MGA: variants seen among roughly 807,000 people sequenced by gnomAD.
The protein encoded by MGA is MAX dimerization protein MGA.
Under a neutral mutation model 261.1 loss-of-function variants are expected in MGA, and 40 were observed. The observed-to-expected ratio is 0.15, with a 90% confidence interval of 0.12 to 0.20. The LOEUF (loss-of-function observed/expected upper bound fraction) is 0.20. MGA is among the 10% of genes least tolerant of loss of function. The pLI, the probability that MGA is intolerant of heterozygous loss-of-function variation, is 1.00. For missense variants in MGA, 3,397 were observed against 3,630.5 expected, an observed-to-expected ratio of 0.94 and a Z score of 1.65; for synonymous variants, 1,302 against 1,290.6, an observed-to-expected ratio of 1.01 and a Z score of -0.19.
At chr15:41,751,899 A>G (rs2062855642) in intron 17 of MGA, 1 of 151,970 alleles carries the variant, frequency 6.6e-6, no homozygotes, top group South Asian at 2.1e-4. Context: ...TTGTCATACA[A>G]CTGCTTGTTT....
At chr15:41,764,571 C>A (rs1277125708) in intron 22 of MGA, among the ~76,000 whole-genome samples, 2 of 150,734 alleles carry the variant, frequency 1.3e-5, no homozygotes, top group Non-Finnish European at 3.0e-5. Flanking sequence ...TTGAGAAGGG[C>A]CTCACTCTGT....
At chr15:41,638,550 G>A (rs1413084604) in intron 1 of MGA, among the ~76,000 whole-genome samples, 1 of 151,572 alleles carries the variant, frequency 6.6e-6, no homozygotes, top group Non-Finnish European at 1.5e-5. Context: ...AGTTTTTTTT[G>A]TAGACGGGGT....
chr15:41,631,120 A>G (rs2056579216), intron 1 of MGA, among the ~76,000 whole-genome samples: 1 of 152,214 alleles, frequency 6.6e-6, no homozygotes, highest in South Asian at 2.1e-4. Context: ...AACAAGCAAT[A>G]TATCCGTAAG....
chr15:41,725,252 T>G (rs1567036944), intron 9 of MGA, among the ~76,000 whole-genome samples: 1 of 152,202 alleles, frequency 6.6e-6, no homozygotes, highest in Non-Finnish European at 1.5e-5. Context: ...GCCGCAGGAT[T>G]GCATGAGGCC....
intron 7 of MGA, among the ~76,000 whole-genome samples, chr15:41,708,829 T>C (rs1258522480): frequency 2.0e-5 from 3 of 152,206 alleles, no homozygotes; most frequent in Non-Finnish European, 4.4e-5. Context: ...TTATAGTGAT[T>C]TCCTATAGTC....
chr15:41,761,732 A>G lies in MGA; in HGVS notation c.7399-7A>G, dbSNP rs746684025. On this transcript the variant is annotated splice_polypyrimidine_tract_variant and splice_region_variant and intron_variant, in intron 20 of 23. Transcript: ENST00000219905. ...AATTTTCAATAATACCACTATTTGTATTCTAGGCCTTCAGTGAAATTCAGG... is the reference window on the plus strand; with the variant it reads ...AATTTTCAATAATACCACTATTTGTGTTCTAGGCCTTCAGTGAAATTCAGG... The G allele has an allele frequency of 1.3e-6, 2 of 1,545,972 alleles. No homozygotes were observed. Among genetic ancestry groups the G allele is most frequent in the East Asian group, 4.6e-5 (2 of 43,566 alleles).
chr15:41,715,723 A>G (rs1287934741), intron 9 of MGA, among the ~76,000 whole-genome samples: 1 of 152,166 alleles, frequency 6.6e-6, no homozygotes, highest in Non-Finnish European at 1.5e-5. Context: ...GACCAGTGCC[A>G]GGGTATTCTT....
chr15:41,725,110 C>G (rs1173983866), intron 9 of MGA, among the ~76,000 whole-genome samples: 2 of 152,156 alleles, frequency 1.3e-5, no homozygotes, highest in African/African-American at 4.8e-5. Flanking sequence ...GAGGACTAAC[C>G]ATTAAAATGC....
rs376537329 is a variant in MGA at position 41,711,205 on chromosome 15, A to G, written c.2940A>G (p.Gln980=). The change falls in exon 8 of 24, where the codon CAA becomes CAG. Residue 980 remains glutamine, a synonymous_variant. Transcript: ENST00000219905. The stretch of plus-strand genomic sequence containing the variant: ...AGGCACAGCAGCAGCAGCAACAGCA[A>G]CAGGGAAGTCGCCCTCCAGGCTTGT... 1 of 1,614,046 alleles carries G rather than the reference A, an allele frequency of 6.2e-7. No individual in the cohort carries two copies. Among genetic ancestry groups the G allele is most frequent in the Non-Finnish European group, 8.5e-7 (1 of 1,179,904 alleles).
At chr15:41,622,938 A>G (rs2056343946) in intron 1 of MGA, among the ~76,000 whole-genome samples, 1 of 152,234 alleles carries the variant, frequency 6.6e-6, no homozygotes, top group Non-Finnish European at 1.5e-5. Flanking sequence ...ACATCTGGAA[A>G]ACATTTATTG....
intron 7 of MGA, among the ~76,000 whole-genome samples, chr15:41,709,735 C>A (rs1308142002): frequency 6.6e-6 from 1 of 151,612 alleles, no homozygotes; most frequent in Non-Finnish European, 1.5e-5. Flanking sequence ...CGTGCTCAGT[C>A]TCACTCTCAT....
At chr15:41,655,178 CTTTT>C (rs35648576) in intron 1 of MGA, among the ~76,000 whole-genome samples, 3 of 129,640 alleles carry the variant, frequency 2.3e-5, no homozygotes, top group Non-Finnish European at 4.9e-5. Context: ...TTTTAATTTA[CTTTT>C]TTTTTTTTTT....
At position 41,708,944 on chromosome 15, in the gene MGA, A is replaced by G. The variant is rs111292678; in HGVS notation, c.2425+736A>G. On this transcript the variant is annotated intron_variant, in intron 7 of 23. Transcript: ENST00000219905. ...CTGCATTCGTTTGCAATTTAACCAG[A>G]TAAATATGCCAGTTTTCCAAAATAC... 4.3e-3 allele frequency among the ~76,000 whole-genome samples: 657 copies of G among 152,336 alleles called. 6 individuals are homozygous for G. Among genetic ancestry groups the G allele is most frequent in the African/African-American group, 0.015 (619 of 41,572 alleles).
intron 1 of MGA, among the ~76,000 whole-genome samples, chr15:41,632,030 A>G (rs1169438794): frequency 1.3e-5 from 2 of 152,296 alleles, no homozygotes; most frequent in East Asian, 3.9e-4. Flanking sequence ...AATCAAGTTG[A>G]GACAAGTTCA....
chr15:41,736,153 TTTC>T, intron 12 of MGA, 25 bp from the exon 13 acceptor site: 3 of 1,456,930 alleles, frequency 2.1e-6, no homozygotes, highest in Non-Finnish European at 2.7e-6. Flanking sequence ...CTTTCAACTT[TTTC>T]TTTTTTATTA....
chr15:41,682,878 G>T (rs1397945759), intron 2 of MGA, among the ~76,000 whole-genome samples: 36 of 152,090 alleles, frequency 2.4e-4, no homozygotes, highest in Admixed American at 2.3e-3. Flanking sequence ...AGTTTCTTTA[G>T]AAAGTATCTG....
rs749862030 is a variant in MGA at position 41,696,744 on chromosome 15, A to G, written c.1734A>G (p.Ser578=). ...AGGATTCAGTTGGAGACTCACTTTCAGGAAAAGAGGACTTGGGCAGAAAGA... is the reference window on the plus strand; with the variant it reads ...AGGATTCAGTTGGAGACTCACTTTCGGGAAAAGAGGACTTGGGCAGAAAGA... Residue 578 remains serine, a synonymous_variant, in exon 3 of 24, where the codon TCA becomes TCG. Coordinates refer to ENST00000219905, the MANE Select transcript of MGA (RefSeq NM_001164273.2). 1 of 1,611,442 alleles carries G rather than the reference A, an allele frequency of 6.2e-7. No homozygotes were observed. Among genetic ancestry groups the G allele is most frequent in the Non-Finnish European group, 8.5e-7 (1 of 1,178,682 alleles).
At chr15:41,627,014 C>G (rs1377350705) in intron 1 of MGA, among the ~76,000 whole-genome samples, 2 of 152,096 alleles carry the variant, frequency 1.3e-5, no homozygotes, top group South Asian at 4.1e-4. Flanking sequence ...ACAGGTGATT[C>G]TCGTGTCTCA....
rs542227116 is a variant in MGA at position 41,669,144 on chromosome 15, A to G, written c.250A>G (p.Met84Val). Residue 84 changes from methionine (M) to valine (V), a missense_variant, in exon 2 of 24, where the codon ATG becomes GTG. Around this residue, in one of 9 missense-constraint regions of MGA, gnomAD observed 104 missense variants for 212.9 expected, o/e 0.49. Transcript: ENST00000219905. The stretch of plus-strand genomic sequence containing the variant: ...CACTGTTACCCTCGATAACAATAGT[A>G]TGTGGAATGAGTTCTATCATCGAAG... 1.9e-6 allele frequency: 3 copies of G among 1,613,914 alleles called. No homozygotes were observed. The highest frequency in any genetic ancestry group is 1.1e-5 in the South Asian group (1 of 91,088).
Sources: gnomAD v4.1 joint callset for allele counts (sites outside exome capture counted in the v4.1 genomes callset) on GRCh38, gnomAD v4.1.1 for gene constraint, gnomAD v4.1.1 regional missense constraint, MANE v1.5 for transcripts, NCBI Gene and HGNC (gene_info 2026-07-23, HGNC 2026-07-21) for gene names.